Variants in PDE4D observed in about 807,000 individuals in gnomAD.
PDE4D encodes 3',5'-cyclic-AMP phosphodiesterase 4D.
PDE4D carries 24 observed loss-of-function variants against 87.4 expected under a neutral mutation model. The observed-to-expected ratio is 0.27, with a 90% CI of 0.20 to 0.39. The LOEUF is 0.39. Among genes scored for constraint, PDE4D ranks in the 10% least tolerant of loss-of-function variants. PDE4D has a pLI of 1.00. For missense variants in PDE4D, 714 were observed against 1,041.0 expected, an observed-to-expected ratio of 0.69 and a Z score of 4.32; for synonymous variants, 384 against 383.2, an observed-to-expected ratio of 1.00 and a Z score of -0.02.
chr5:58,982,640 T>C (rs1745478890), intron 11 of PDE4D, among the ~76,000 whole-genome samples: 1 of 151,938 alleles, frequency 6.6e-6, no homozygotes, highest in Admixed American at 6.6e-5. Flanking sequence ...CCCAAAATGG[T>C]GTTATATGGG....
chr5:60,256,739 G>T (rs1383415397), intron 1 of PDE4D, among the ~76,000 whole-genome samples: 1 of 151,870 alleles, frequency 6.6e-6, no homozygotes, highest in African/African-American at 2.4e-5. Context: ...AACTGAAGAA[G>T]AAAATTGAGG....
intron 1 of PDE4D, among the ~76,000 whole-genome samples, chr5:59,801,232 T>A (rs1027415022): frequency 3.9e-5 from 6 of 152,360 alleles, no homozygotes; most frequent in African/African-American, 1.4e-4. Context: ...GTTTCCCCAG[T>A]AGTTTCAGTA....
At chr5:59,926,736 A>G (rs1490683747) in intron 3 of PDE4D, among the ~76,000 whole-genome samples, 1 of 152,176 alleles carries the variant, frequency 6.6e-6, no homozygotes, top group Non-Finnish European at 1.5e-5. Context: ...ATTAGAGGCT[A>G]CTATAAGCAA....
At chr5:60,411,479 C>T (rs1742038753) in intron 1 of PDE4D, among the ~76,000 whole-genome samples, 1 of 152,140 alleles carries the variant, frequency 6.6e-6, no homozygotes, top group African/African-American at 2.4e-5. Context: ...TAGCTAATCT[C>T]ATTATCATCA....
chr5:59,924,564 GA>G (rs35983103), intron 3 of PDE4D, among the ~76,000 whole-genome samples: 54,590 of 134,248 alleles, frequency 0.41, 12,058 homozygotes, highest in East Asian at 0.83. Context: ...ACAAAGTGTG[GA>G]AAAAAAAAAA....
At chr5:59,230,994 A>G (rs186424642) in intron 1 of PDE4D, among the ~76,000 whole-genome samples, 1 of 152,224 alleles carries the variant, frequency 6.6e-6, no homozygotes, top group Non-Finnish European at 1.5e-5. Flanking sequence ...GAGAATAAAA[A>G]AAGATATGTC....
At chr5:59,671,151 G>A (rs537962741) in intron 1 of PDE4D, among the ~76,000 whole-genome samples, 3 of 152,152 alleles carry the variant, frequency 2.0e-5, no homozygotes, top group Non-Finnish European at 4.4e-5. Context: ...TTCATGTCCT[G>A]TTATCAATAC....
intron 1 of PDE4D, among the ~76,000 whole-genome samples, chr5:59,668,922 A>AAGAAGAAGAAGAAGAAG (rs199660442): frequency 1.4e-4 from 8 of 56,922 alleles, no homozygotes; most frequent in African/African-American, 6.6e-4. Context: ...GAAGAAGAAG[A>AAGAAGAAGAAGAAGAAG]AAGAAAGAAA....
intron 1 of PDE4D, among the ~76,000 whole-genome samples, chr5:59,467,100 C>T (rs1801695825): frequency 6.6e-6 from 1 of 152,128 alleles, no homozygotes; most frequent in African/African-American, 2.4e-5. Context: ...AGTCAGCCAT[C>T]TACAAGCTGA....
chr5:59,193,760 AT>A, intron 2 of PDE4D: 1 of 985,372 alleles, frequency 1.0e-6, no homozygotes, highest in East Asian at 1.1e-4. Flanking sequence ...GGGCTTCTTG[AT>A]CATCAGCCAG....
At chr5:59,881,450 C>A (rs1749418230) in intron 1 of PDE4D, among the ~76,000 whole-genome samples, 1 of 152,018 alleles carries the variant, frequency 6.6e-6, no homozygotes, top group Admixed American at 6.5e-5. Flanking sequence ...GACTTCCTGT[C>A]CTTTAGGTTT....
intron 1 of PDE4D, among the ~76,000 whole-genome samples, chr5:59,822,978 C>T (rs1413178149): frequency 2.0e-5 from 3 of 152,182 alleles, no homozygotes; most frequent in Non-Finnish European, 4.4e-5. Context: ...GGTCTTGTCA[C>T]GTAAAAGAGT....
At chr5:59,061,686 C>T (rs1580587717) in intron 5 of PDE4D, among the ~76,000 whole-genome samples, 1 of 152,064 alleles carries the variant, frequency 6.6e-6, no homozygotes, top group South Asian at 2.1e-4. Context: ...CACTCAGATT[C>T]CCCAATAGAT....
At chr5:59,427,970 G>A (rs1358735427) in intron 1 of PDE4D, among the ~76,000 whole-genome samples, 8 of 152,044 alleles carry the variant, frequency 5.3e-5, no homozygotes, top group Non-Finnish European at 8.8e-5. Context: ...TTTTTAAATC[G>A]CAAATATAGA....
chr5:59,889,806 T>C (rs1477514828), intron 1 of PDE4D, among the ~76,000 whole-genome samples: 1 of 152,228 alleles, frequency 6.6e-6, no homozygotes, highest in Non-Finnish European at 1.5e-5. Flanking sequence ...CATTTTGTTC[T>C]CTTGGTAACT....
chr5:60,217,079 T>C (rs1443837569), intron 1 of PDE4D, among the ~76,000 whole-genome samples: 1 of 152,046 alleles, frequency 6.6e-6, no homozygotes, highest in African/African-American at 2.4e-5. Flanking sequence ...TGGAATATTA[T>C]TCAGCCTTAA....
intron 1 of PDE4D, among the ~76,000 whole-genome samples, chr5:60,413,838 C>T (rs1742253800): frequency 6.6e-6 from 1 of 151,808 alleles, no homozygotes; most frequent in Non-Finnish European, 1.5e-5. Context: ...AATGTAACTA[C>T]TATTTCCATC....
At chr5:59,693,605 A>G (rs1751311605) in intron 1 of PDE4D, among the ~76,000 whole-genome samples, 1 of 152,196 alleles carries the variant, frequency 6.6e-6, no homozygotes, top group Non-Finnish European at 1.5e-5. Flanking sequence ...CAAAACTTTA[A>G]TTATGAGGTA....
chr5:59,746,282 G>A (rs1759595573), intron 1 of PDE4D, among the ~76,000 whole-genome samples: 1 of 151,994 alleles, frequency 6.6e-6, no homozygotes, highest in South Asian at 2.1e-4. Flanking sequence ...TCTCATTCTT[G>A]GAGCATACAC....
Sources: gnomAD v4.1 joint callset for allele counts (sites outside exome capture counted in the v4.1 genomes callset) on GRCh38, gnomAD v4.1.1 for gene constraint, MANE v1.5 for transcripts, NCBI Gene and HGNC (gene_info 2026-07-23, HGNC 2026-07-21) for gene names.